Variants in ARK2N observed in about 807,000 individuals in gnomAD.
ARK2N encodes the protein arkadia (RNF111) N-terminal like PKA signaling regulator 2N, also known as protein ARK2N.
At chr18:46,241,005 A>G in the ARK2N span, among the ~76,000 whole-genome samples, 1 of 152,252 alleles carries the variant, frequency 6.6e-6, no homozygotes, top group Non-Finnish European at 1.5e-5. Flanking sequence ...CTGAAAGATT[A>G]TAGTTTTCTA....
the ARK2N span, among the ~76,000 whole-genome samples, chr18:46,190,991 G>A: frequency 6.6e-6 from 1 of 152,108 alleles, no homozygotes; most frequent in Non-Finnish European, 1.5e-5. Flanking sequence ...AATCCAGTGT[G>A]CAACTGGTCT....
chr18:46,193,018 A>C, the ARK2N span, among the ~76,000 whole-genome samples: 2 of 151,620 alleles, frequency 1.3e-5, no homozygotes, highest in Admixed American at 6.6e-5. Context: ...CCAAATAGTG[A>C]AACTGGGCAT....
the ARK2N span, among the ~76,000 whole-genome samples, chr18:46,204,737 C>T: frequency 2.6e-5 from 4 of 151,998 alleles, no homozygotes; most frequent in Admixed American, 6.6e-5. Context: ...TACTTAGAAA[C>T]GTATCATTTA....
At chr18:46,224,178 C>G in the ARK2N span, among the ~76,000 whole-genome samples, 1 of 152,128 alleles carries the variant, frequency 6.6e-6, no homozygotes, top group Non-Finnish European at 1.5e-5. Flanking sequence ...TTTTAAACCA[C>G]AGGGCACTTC....
the ARK2N span, among the ~76,000 whole-genome samples, chr18:46,186,973 G>A: frequency 9.9e-5 from 15 of 151,340 alleles, no homozygotes; most frequent in African/African-American, 3.4e-4. Flanking sequence ...TGCTGTCTCA[G>A]CCTCCCGAGT....
the ARK2N span, among the ~76,000 whole-genome samples, chr18:46,195,559 C>CTTTTTTTTTTTT: frequency 1.2e-4 from 9 of 72,686 alleles, 1 homozygote; most frequent in African/African-American, 5.0e-4. Context: ...CCCACATAAA[C>CTTTTTTTTTTTT]TTTTTTTTTT....
the ARK2N span, among the ~76,000 whole-genome samples, chr18:46,178,649 A>G: frequency 6.6e-6 from 1 of 151,894 alleles, no homozygotes; most frequent in Admixed American, 6.6e-5. Context: ...GGCTACGTGC[A>G]GTGGCTCATG....
the ARK2N span, among the ~76,000 whole-genome samples, chr18:46,236,691 T>C: frequency 7.2e-5 from 11 of 152,206 alleles, no homozygotes; most frequent in African/African-American, 2.7e-4. Context: ...TTGATGTTTT[T>C]GAAAGTCAAA....
chr18:46,238,560 A>T, the ARK2N span, among the ~76,000 whole-genome samples: 1 of 152,172 alleles, frequency 6.6e-6, no homozygotes, highest in African/African-American at 2.4e-5. Flanking sequence ...ATTGAACTTG[A>T]TTTACCCCTT....
the ARK2N span, among the ~76,000 whole-genome samples, chr18:46,225,146 C>G: frequency 6.6e-6 from 1 of 152,190 alleles, no homozygotes; most frequent in African/African-American, 2.4e-5. Flanking sequence ...CTACTGGAAC[C>G]CAGGGGACCT....
At chr18:46,193,360 G>A in the ARK2N span, among the ~76,000 whole-genome samples, 234 of 151,148 alleles carry the variant, frequency 1.5e-3, 3 homozygotes, top group African/African-American at 5.1e-3. Context: ...CATGATCTCG[G>A]CTCACGGCAA....
the ARK2N span, among the ~76,000 whole-genome samples, chr18:46,236,892 C>G: frequency 6.9e-6 from 1 of 144,840 alleles, no homozygotes; most frequent in African/African-American, 2.6e-5. Context: ...GAGATGGAAT[C>G]TTGCTCTGTT....
the ARK2N span, among the ~76,000 whole-genome samples, chr18:46,182,683 CTTTTT>C: frequency 1.1e-5 from 1 of 87,806 alleles, no homozygotes; most frequent in African/African-American, 4.4e-5. Flanking sequence ...AGCCACAGTG[CTTTTT>C]TTTTTTTTTT....
chr18:46,262,240 C>G, the ARK2N span, among the ~76,000 whole-genome samples: 3 of 152,158 alleles, frequency 2.0e-5, no homozygotes, highest in Non-Finnish European at 4.4e-5. Context: ...TCAGTGAACT[C>G]TTGGTGTGAC....
chr18:46,188,080 T>C, the ARK2N span, among the ~76,000 whole-genome samples: 1 of 152,184 alleles, frequency 6.6e-6, no homozygotes, highest in Non-Finnish European at 1.5e-5. Flanking sequence ...AAGCCTAGTA[T>C]TATTAAACCT....
chr18:46,240,539 G>A, the ARK2N span, among the ~76,000 whole-genome samples: 1 of 152,106 alleles, frequency 6.6e-6, no homozygotes, highest in Non-Finnish European at 1.5e-5. Flanking sequence ...TTAATTCTGG[G>A]TAGTGACCTT....
the ARK2N span, chr18:46,216,584 C>CAG: frequency 6.2e-7 from 1 of 1,610,644 alleles, no homozygotes. This position sits in a 1 kb window ranked among gnomAD's most constrained non-coding sequence, Gnocchi z 4.3. Flanking sequence ...ACAATCACTG[C>CAG]AGAGATACCA....
chr18:46,195,829 G>T, the ARK2N span, among the ~76,000 whole-genome samples: 1 of 151,926 alleles, frequency 6.6e-6, no homozygotes, highest in Admixed American at 6.6e-5. Context: ...ACCTGCTTCA[G>T]CCTCTTAAAA....
At chr18:46,205,014 G>A in the ARK2N span, among the ~76,000 whole-genome samples, 1 of 151,322 alleles carries the variant, frequency 6.6e-6, no homozygotes, top group Non-Finnish European at 1.5e-5. Context: ...TGCGATCTCG[G>A]CTCACTGCAA....
Sources: gnomAD v4.1 joint callset for allele counts (sites outside exome capture counted in the v4.1 genomes callset) on GRCh38, gnomAD v4.1.1 for gene constraint, Gnocchi (gnomAD v3.1) non-coding constraint, MANE v1.5 for transcripts, NCBI Gene and HGNC (gene_info 2026-07-23, HGNC 2026-07-21) for gene names.